Variants in NUDT3 observed in about 807,000 individuals in gnomAD.
The protein encoded by NUDT3 is nudix hydrolase 3.
A neutral mutation model predicts 23.6 loss-of-function variants in NUDT3; 9 were observed. The ratio of observed to expected loss-of-function variants is 0.38; its 90% CI spans 0.23 to 0.66. The LOEUF is 0.66. NUDT3 is among the 30% of genes least tolerant of loss of function. The pLI is 0.52. For synonymous variants in NUDT3, 86 were observed against 82.6 expected, an observed-to-expected ratio of 1.04 and a Z score of -0.22; for missense variants, 172 against 218.5, an observed-to-expected ratio of 0.79 and a Z score of 1.34.
chr6:34,324,520 T>C (rs1283239114), intron 2 of NUDT3, among the ~76,000 whole-genome samples: 3 of 152,182 alleles, frequency 2.0e-5, no homozygotes, highest in Non-Finnish European at 4.4e-5. Flanking sequence ...TCCTCCTGCC[T>C]TGGCCTCCCA....
At chr6:34,329,972 C>T (rs1428126793) in intron 2 of NUDT3, among the ~76,000 whole-genome samples, 1 of 152,218 alleles carries the variant, frequency 6.6e-6, no homozygotes, top group Non-Finnish European at 1.5e-5. Flanking sequence ...CTACAAAGGA[C>T]ATGAACTCAT....
At chr6:34,351,189 T>C (rs368630032) in intron 1 of NUDT3, among the ~76,000 whole-genome samples, 6 of 22,078 alleles carry the variant, frequency 2.7e-4, no homozygotes, top group Admixed American at 7.5e-4. Flanking sequence ...GTCTCTACAC[T>C]CCCCTGCCTA....
chr6:34,392,171 G>T, intron 1 of NUDT3, 93 bp downstream of exon 1: 1 of 955,606 alleles, frequency 1.0e-6, no homozygotes, highest in Non-Finnish European at 1.5e-6. Flanking sequence ...GGGCGGCCCT[G>T]GCACACCCTC....
At chr6:34,367,152 G>A (rs185258255) in intron 1 of NUDT3, among the ~76,000 whole-genome samples, 22 of 152,172 alleles carry the variant, frequency 1.4e-4, no homozygotes, top group Admixed American at 5.9e-4. Flanking sequence ...CCAAAATGCT[G>A]GGATTACAGG....
intron 1 of NUDT3, among the ~76,000 whole-genome samples, chr6:34,357,468 G>A (rs115862712): frequency 5.0e-4 from 76 of 151,908 alleles, no homozygotes; most frequent in African/African-American, 1.8e-3. Flanking sequence ...AAAAATTAGC[G>A]GGGCATGGTA....
chr6:34,364,113 C>T (rs1418773355), intron 1 of NUDT3, among the ~76,000 whole-genome samples: 2 of 152,130 alleles, frequency 1.3e-5, no homozygotes, highest in Non-Finnish European at 2.9e-5. Flanking sequence ...AATTTTTCTG[C>T]TGGTGTTTTC....
chr6:34,384,426 C>T (rs1765072111), intron 1 of NUDT3, among the ~76,000 whole-genome samples: 1 of 152,096 alleles, frequency 6.6e-6, no homozygotes, highest in Admixed American at 6.6e-5. Context: ...AAAACAGACC[C>T]GTTAGGAGCA....
chr6:34,329,231 T>C (rs949971400), intron 2 of NUDT3, among the ~76,000 whole-genome samples: 1 of 152,208 alleles, frequency 6.6e-6, no homozygotes, highest in Non-Finnish European at 1.5e-5. Context: ...TAAAAATACA[T>C]ATATACATAG....
In NUDT3 at chr6:34,392,429, C is replaced by T; in HGVS notation, c.-67G>A. On this transcript the variant is annotated 5_prime_UTR_variant, in exon 1 of 5. Coordinates refer to ENST00000607016, the MANE Select transcript of NUDT3 (RefSeq NM_006703.4). ...CGAGGGGTGGGGAGCCCGCTCTGGA[C>T]GGCCGCGTGCGCGCGCGCCCCCGGC... 1 of 1,232,118 alleles carries T rather than the reference C, an allele frequency of 8.1e-7. No homozygotes were observed. Among genetic ancestry groups the T allele is most frequent in the South Asian group, 1.3e-5 (1 of 77,348 alleles). 76.3% of individuals were successfully genotyped at this position (1,232,118 alleles called of 1,614,324 possible).
chr6:34,348,947 A>C (rs1454928778), intron 1 of NUDT3, among the ~76,000 whole-genome samples: 4 of 151,430 alleles, frequency 2.6e-5, no homozygotes, highest in Non-Finnish European at 4.4e-5. Flanking sequence ...GCAGCCTTGG[A>C]CTCCTGAGCT....
chr6:34,298,128 G>A (rs765406295), intron 2 of NUDT3, among the ~76,000 whole-genome samples: 13 of 152,024 alleles, frequency 8.6e-5, no homozygotes, highest in Non-Finnish European at 1.5e-4. Flanking sequence ...TTGGGAGGCC[G>A]AGGTAGGTGG....
intron 1 of NUDT3, among the ~76,000 whole-genome samples, chr6:34,366,858 T>C (rs1407346569): frequency 6.6e-6 from 1 of 152,026 alleles, no homozygotes; most frequent in Admixed American, 6.6e-5. Context: ...ATACCTAAAG[T>C]TGTGCAAATT....
chr6:34,296,491 T>C (rs1231073196), intron 2 of NUDT3, among the ~76,000 whole-genome samples: 1 of 145,580 alleles, frequency 6.9e-6, no homozygotes, highest in Admixed American at 6.8e-5. Context: ...GGAGGGTTGT[T>C]TGGGTCCAGG....
intron 1 of NUDT3, among the ~76,000 whole-genome samples, chr6:34,348,185 G>C (rs1390986835): frequency 6.6e-6 from 1 of 151,506 alleles, no homozygotes; most frequent in Non-Finnish European, 1.5e-5. Flanking sequence ...ATGCAGGAGG[G>C]TGAGGCAGGA....
intron 2 of NUDT3, among the ~76,000 whole-genome samples, chr6:34,337,827 T>C (rs1764231298): frequency 1.3e-5 from 2 of 152,362 alleles, no homozygotes; most frequent in Non-Finnish European, 2.9e-5. Flanking sequence ...TTGAACTTTT[T>C]CCTCTCTCTC....
intron 1 of NUDT3, among the ~76,000 whole-genome samples, chr6:34,369,910 A>G (rs1001451300): frequency 1.3e-5 from 2 of 152,202 alleles, no homozygotes; most frequent in African/African-American, 2.4e-5. Context: ...TGAAAGGTAC[A>G]TAATATTCAT....
intron 1 of NUDT3, among the ~76,000 whole-genome samples, chr6:34,364,270 G>C (rs571806219): frequency 1.3e-5 from 2 of 152,204 alleles, no homozygotes; most frequent in South Asian, 4.2e-4. Context: ...GCTGTCTTAT[G>C]GTAAATTATT....
At chr6:34,366,473 A>AAGGGAGGGAGGGAGGGAGGGAGGG in intron 1 of NUDT3, among the ~76,000 whole-genome samples, 1 of 29,818 alleles carries the variant, frequency 3.4e-5, no homozygotes, top group South Asian at 1.6e-3. Context: ...AGAGAGAGGG[A>AAGGGAGGGAGGGAGGGAGGGAGGG]AGGGAGGGAG....
chr6:34,391,117 C>G (rs927450713), intron 1 of NUDT3, among the ~76,000 whole-genome samples: 3 of 152,184 alleles, frequency 2.0e-5, no homozygotes, highest in Non-Finnish European at 4.4e-5. Context: ...CCACTTCCTC[C>G]TAAATACCTC....
Sources: allele counts gnomAD v4.1 joint callset (sites outside exome capture counted in the v4.1 genomes callset), GRCh38; gene constraint gnomAD v4.1.1; transcripts MANE v1.5; gene names NCBI Gene and HGNC (gene_info 2026-07-23, HGNC 2026-07-21).